The following UBR3 variants were observed in gnomAD, a reference collection of about 807,000 sequenced individuals.
UBR3 encodes the protein ubiquitin protein ligase E3 component n-recognin 3, also known as E3 ubiquitin-protein ligase UBR3.
A neutral mutation model predicts 243.2 loss-of-function variants in UBR3; 85 were observed. The ratio of observed to expected loss-of-function variants is 0.35; its 90% CI spans 0.29 to 0.42. The LOEUF is 0.42. Ranked by LOEUF, UBR3 falls within the 10% of genes least tolerant of loss-of-function variation. The pLI, the probability that UBR3 is intolerant of heterozygous loss-of-function variation, is 1.00. For synonymous variants in UBR3, 748 were observed against 799.8 expected (o/e 0.94, Z 1.09); for missense variants, 1,686 against 2,300.8 (o/e 0.73, Z 5.47).
At chr2:169,834,737 A>G (rs1052885465) in intron 1 of UBR3, among the ~76,000 whole-genome samples, 2 of 152,250 alleles carry the variant, frequency 1.3e-5, no homozygotes, top group African/African-American at 4.8e-5. Flanking sequence ...CTCAGTAAAG[A>G]GATGTGAACT....
At position 170,047,640 on chromosome 2, in the gene UBR3, A is replaced by C. The variant is rs150495056; in HGVS notation, c.4660+6655A>C. 3.6e-3 allele frequency among the ~76,000 whole-genome samples: 542 copies of C among 152,338 alleles called. 2 individuals are homozygous for C. The highest frequency in any genetic ancestry group is 0.012 in the African/African-American group (507 of 41,572). ...AGAACAGAAGCCATACGTGATGTAC[A>C]GTAGTCCCCCCTTACCCATGGTTGC... On this transcript the variant is annotated intron_variant, in intron 32 of 38. Coordinates refer to ENST00000272793, the MANE Select transcript of UBR3 (RefSeq NM_172070.4).
intron 19 of UBR3, among the ~76,000 whole-genome samples, chr2:169,940,700 T>G (rs1203540255): frequency 1.3e-5 from 2 of 152,192 alleles, no homozygotes; most frequent in Non-Finnish European, 2.9e-5. Context: ...GGTTGTAGAT[T>G]TGTCGTTTTC....
chr2:170,002,145 A>C (rs1389113071), intron 27 of UBR3, among the ~76,000 whole-genome samples: 1 of 151,992 alleles, frequency 6.6e-6, no homozygotes, highest in South Asian at 2.1e-4. Flanking sequence ...ATTTTTTCCT[A>C]GTGTATTAGC....
chr2:169,857,915 A>G (rs2082946970), intron 1 of UBR3, among the ~76,000 whole-genome samples: 1 of 152,000 alleles, frequency 6.6e-6, no homozygotes, highest in Admixed American at 6.6e-5. Flanking sequence ...CTAAATTTTT[A>G]AGTTACGTTT....
intron 26 of UBR3, among the ~76,000 whole-genome samples, chr2:169,998,174 G>A (rs1281947077): frequency 2.6e-5 from 4 of 152,202 alleles, no homozygotes; most frequent in Admixed American, 6.5e-5. Flanking sequence ...AACAGGTAAA[G>A]ATGAATCCCA....
At chr2:169,835,997 CTCTCTCTCT>C (rs2082076039) in intron 1 of UBR3, among the ~76,000 whole-genome samples, 929 of 40,398 alleles carry the variant, frequency 0.023, 69 homozygotes, top group Middle Eastern at 0.095. Flanking sequence ...TGCACTGTCT[CTCTCTCTCT>C]CTCTCTCTCT....
At chr2:169,845,531 G>T (rs147344928) in intron 1 of UBR3, among the ~76,000 whole-genome samples, 7,016 of 104,872 alleles carry the variant, frequency 0.067, 217 homozygotes, top group Non-Finnish European at 0.096. Context: ...CGTCGTCGTC[G>T]TCTTCTTCTT....
chr2:169,897,020 T>C (rs2084616891), intron 8 of UBR3, among the ~76,000 whole-genome samples: 1 of 152,156 alleles, frequency 6.6e-6, no homozygotes, highest in Admixed American at 6.5e-5. Flanking sequence ...TACCTGTTGT[T>C]AGCACTTTGC....
intron 23 of UBR3, among the ~76,000 whole-genome samples, chr2:169,950,557 T>C (rs1335745590): frequency 6.6e-6 from 1 of 152,088 alleles, no homozygotes; most frequent in Non-Finnish European, 1.5e-5. Flanking sequence ...GATCTTTAGG[T>C]TGCTTATAAT....
chr2:169,852,874 A>AAC (rs2082709454), intron 1 of UBR3, among the ~76,000 whole-genome samples: 6 of 82,720 alleles, frequency 7.3e-5, no homozygotes, highest in East Asian at 3.8e-4. Flanking sequence ...AAAAAAAAAA[A>AAC]AAAACAAAAC....
rs2083666932 is a variant in UBR3 at position 169,877,681 on chromosome 2, T to C, written c.988+44T>C. 4.0e-6 allele frequency: 6 copies of C among 1,501,802 alleles called. No homozygotes were observed. The East Asian group carries it at 1.5e-4, about 38-fold the overall frequency. 93.0% of individuals were successfully genotyped at this position (1,501,802 alleles called of 1,614,324 possible). A position where few individuals can be genotyped will look rare whatever the true frequency, so the allele number is the denominator to read the frequency against. On this transcript the variant is annotated intron_variant, in intron 4 of 38. Coordinates refer to ENST00000272793, the MANE Select transcript of UBR3 (RefSeq NM_172070.4). ...TTTGAACAGTTGTAACTTTTCTGTA[T>C]TAAAACCAAAAAAACCTCTCAAACT...
chr2:169,955,140 A>G (rs1027005972), intron 23 of UBR3, among the ~76,000 whole-genome samples: 1 of 152,186 alleles, frequency 6.6e-6, no homozygotes, highest in African/African-American at 2.4e-5. Flanking sequence ...ACAAGCTGTT[A>G]TATGATTTCA....
rs767802635 is a variant in UBR3, at chr2:169,923,938, A to C, written c.1876A>C (p.Asn626His). 2 of 1,546,756 alleles carry C rather than the reference A, an allele frequency of 1.3e-6. No individual in the cohort carries two copies. Among genetic ancestry groups the C allele is most frequent in the Middle Eastern group, 1.7e-4 (1 of 5,974 alleles). Residue 626 changes from asparagine to histidine, a missense_variant, in exon 12 of 39, where the codon AAC (asparagine) becomes CAC (histidine). Asn to His is a moderately conservative substitution (Grantham distance 68). This residue lies in a region of UBR3 where 346 missense variants were observed against 585.8 expected (regional missense o/e 0.59). Coordinates refer to ENST00000272793, the MANE Select transcript of UBR3 (RefSeq NM_172070.4). ...TGTTTGTTTATTCCAGCCAGCACCTAACCAAGTCACTTTTCATCTGCCACT... is the reference window on the plus strand; with the variant it reads ...TGTTTGTTTATTCCAGCCAGCACCTCACCAAGTCACTTTTCATCTGCCACT... ...AINFVDEPAP[N>H]QVTFHLPLHR...
At chr2:169,885,118 C>T (rs1209530616) in intron 5 of UBR3, among the ~76,000 whole-genome samples, 1 of 152,076 alleles carries the variant, frequency 6.6e-6, no homozygotes, top group Non-Finnish European at 1.5e-5. Flanking sequence ...CTAGGTATGG[C>T]TTCAGGATTA....
At chr2:169,861,433 C>T (rs1196132013) in intron 1 of UBR3, among the ~76,000 whole-genome samples, 9 of 152,066 alleles carry the variant, frequency 5.9e-5, no homozygotes, top group Admixed American at 5.9e-4. Context: ...CATGGTGAAA[C>T]CCCGTCTCTA....
At position 170,041,633 on chromosome 2, in the gene UBR3, A is replaced by G. The variant is rs2105432365; in HGVS notation, c.4660+648A>G. On this transcript the variant is annotated intron_variant, in intron 32 of 38. Transcript: ENST00000272793. Reference sequence around the variant, plus strand: ...TAGCTTTCACTTGAAGACAACATTTAAAATATTCAATCAGATAATTAACAT... The same window carrying G: ...TAGCTTTCACTTGAAGACAACATTTGAAATATTCAATCAGATAATTAACAT... Among the ~76,000 whole-genome samples the G allele has an allele frequency of 2.0e-5, 3 of 152,340 alleles. No homozygotes were observed. The South Asian group carries it at 6.2e-4, about 32-fold the overall frequency.
At chr2:169,901,313 A>T (rs1002252009) in intron 8 of UBR3, among the ~76,000 whole-genome samples, 70 of 151,562 alleles carry the variant, frequency 4.6e-4, no homozygotes, top group African/African-American at 1.6e-3. Context: ...TTTAAATATA[A>T]TTTTTTTTTA....
intron 1 of UBR3, among the ~76,000 whole-genome samples, chr2:169,837,333 G>A (rs571295842): frequency 1.7e-4 from 26 of 152,282 alleles, no homozygotes; most frequent in Admixed American, 1.0e-3. Context: ...AAAATTAGCC[G>A]GGTGTGGTGG....
At chr2:169,983,251 CCTTT>C (rs2088834132) in intron 24 of UBR3, among the ~76,000 whole-genome samples, 2 of 115,480 alleles carry the variant, frequency 1.7e-5, no homozygotes, top group African/African-American at 7.1e-5. Context: ...CATTCTCTCT[CCTTT>C]TTTTTTTTTT....
Sources: allele counts gnomAD v4.1 joint callset (sites outside exome capture counted in the v4.1 genomes callset), GRCh38; gene constraint gnomAD v4.1.1; regional missense constraint gnomAD v4.1.1; transcripts MANE v1.5; gene names NCBI Gene and HGNC (gene_info 2026-07-23, HGNC 2026-07-21).